PRKG1: variants seen among roughly 807,000 people sequenced by gnomAD.
PRKG1 encodes the protein cGMP-dependent protein kinase 1.
PRKG1 carries 35 observed loss-of-function variants against 88.1 expected under a neutral mutation model. That is an observed-to-expected ratio of 0.40 (90% confidence interval 0.30 to 0.53). The LOEUF is 0.53. Among genes scored for constraint, PRKG1 ranks in the 20% least tolerant of loss-of-function variants. The pLI is 0.59. For synonymous variants in PRKG1, 303 were observed against 292.5 expected (o/e 1.04, Z -0.37); for missense variants, 540 against 839.8 (o/e 0.64, Z 4.41).
At chr10:51,569,847 G>C (rs116452217) in intron 3 of PRKG1, among the ~76,000 whole-genome samples, 2 of 151,810 alleles carry the variant, frequency 1.3e-5, no homozygotes, top group Non-Finnish European at 2.9e-5. Context: ...ATATAAATGC[G>C]GACAGTTCTG....
At chr10:51,425,566 C>G (rs909914090) in intron 2 of PRKG1, among the ~76,000 whole-genome samples, 2 of 152,144 alleles carry the variant, frequency 1.3e-5, no homozygotes, top group Non-Finnish European at 2.9e-5. Flanking sequence ...CTGCCTCCAC[C>G]CCTTTCGGAA....
rs570795810 is a variant in PRKG1 at position 52,210,175 on chromosome 10, C to T, written c.1077-41395C>T. 5.9e-5 allele frequency among the ~76,000 whole-genome samples: 9 copies of T among 152,174 alleles called. No homozygotes were observed. In the East Asian group the frequency reaches 1.5e-3, roughly 26 times the overall value. On this transcript the variant is annotated intron_variant, in intron 9 of 17. Coordinates refer to ENST00000373980, the MANE Select transcript of PRKG1 (RefSeq NM_006258.4). ...CTACTATCATCATTAGTATTGTCATCATCATTGTCACTCTCCTAATTAAAA... is the reference window on the plus strand; with the variant it reads ...CTACTATCATCATTAGTATTGTCATTATCATTGTCACTCTCCTAATTAAAA...
At chr10:51,162,410 C>G (rs930116816) in intron 2 of PRKG1, among the ~76,000 whole-genome samples, 2 of 152,182 alleles carry the variant, frequency 1.3e-5, no homozygotes, top group African/African-American at 2.4e-5. Flanking sequence ...TTAGGCCCTT[C>G]TATAAACTCC....
chr10:51,608,303 C>A (rs540895406), intron 3 of PRKG1, among the ~76,000 whole-genome samples: 135 of 152,244 alleles, frequency 8.9e-4, no homozygotes, highest in African/African-American at 3.1e-3. Context: ...GGAAGGAAAC[C>A]ACAAATCCTT....
chr10:51,595,335 A>T (rs991726505), intron 3 of PRKG1, among the ~76,000 whole-genome samples: 3 of 152,038 alleles, frequency 2.0e-5, no homozygotes, highest in Admixed American at 6.6e-5. Context: ...AAATAAACAG[A>T]TAAAAATAGG....
In PRKG1 at chr10:51,804,504, A is replaced by G. The variant is rs372743076; in HGVS notation, c.593-81A>G. The G allele has an allele frequency of 2.4e-4, 218 of 918,262 alleles. No homozygotes were observed. In the East Asian group the frequency reaches 3.8e-3, roughly 16 times the overall value. The allele number at this position is 918,262 out of a possible 1,614,324, so 56.9% of individuals were successfully genotyped here. On this transcript the variant is annotated intron_variant, in intron 3 of 17. Transcript: ENST00000373980. ...TTTTCATGATTCTCATGAATAGCTC[A>G]TCTCCTTTGCAGGATGTTGTTCACA...
At chr10:51,835,587 C>CT (rs1027072715) in intron 4 of PRKG1, among the ~76,000 whole-genome samples, 3 of 152,184 alleles carry the variant, frequency 2.0e-5, no homozygotes, top group Non-Finnish European at 4.4e-5. Context: ...TAAATTATAA[C>CT]TTTTTTTCAT....
chr10:51,441,619 A>T (rs1327259571), intron 2 of PRKG1, among the ~76,000 whole-genome samples: 1 of 151,978 alleles, frequency 6.6e-6, no homozygotes, highest in Non-Finnish European at 1.5e-5. Context: ...ACAGAAGTTG[A>T]GAACGGAGAC....
At chr10:51,697,487 T>G (rs1440148818) in intron 3 of PRKG1, 1 of 574,294 alleles carries the variant, frequency 1.7e-6, no homozygotes, top group African/African-American at 1.9e-5. Flanking sequence ...TAAAGTAACT[T>G]AAAGTGAACA....
chr10:51,515,413 G>C (rs918070868), intron 3 of PRKG1, among the ~76,000 whole-genome samples: 1 of 152,064 alleles, frequency 6.6e-6, no homozygotes, highest in Non-Finnish European at 1.5e-5. Context: ...TGGATAGTGT[G>C]GTATATCCAA....
intron 2 of PRKG1, among the ~76,000 whole-genome samples, chr10:51,456,004 AG>A (rs1186428159): frequency 6.6e-6 from 1 of 152,206 alleles, no homozygotes; most frequent in African/African-American, 2.4e-5. Context: ...CTGCTAATAA[AG>A]ACATACCTGA....
chr10:51,281,090 C>A (rs557978376), intron 2 of PRKG1, among the ~76,000 whole-genome samples: 2 of 152,240 alleles, frequency 1.3e-5, no homozygotes, highest in East Asian at 3.9e-4. Flanking sequence ...CAGTCAGGAC[C>A]CTCAGCTGCA....
intron 4 of PRKG1, among the ~76,000 whole-genome samples, chr10:51,827,260 T>C (rs954543272): frequency 1.3e-5 from 2 of 152,138 alleles, no homozygotes; most frequent in Admixed American, 6.6e-5. Context: ...TAAATAAAAA[T>C]TATGAAAAAG....
chr10:52,059,524 A>G (rs1043588541), intron 6 of PRKG1, among the ~76,000 whole-genome samples: 1 of 151,958 alleles, frequency 6.6e-6, no homozygotes, highest in African/African-American at 2.4e-5. Context: ...GAGTAAGAAA[A>G]AAAGGTCTGA....
chr10:52,165,808 T>C (rs1838418586), intron 9 of PRKG1, among the ~76,000 whole-genome samples: 1 of 152,140 alleles, frequency 6.6e-6, no homozygotes, highest in South Asian at 2.1e-4. Context: ...ATAATCAAGC[T>C]CAATCGCAGA....
At chr10:51,631,865 G>A (rs1190157106) in intron 3 of PRKG1, among the ~76,000 whole-genome samples, 1 of 152,152 alleles carries the variant, frequency 6.6e-6, no homozygotes, top group African/African-American at 2.4e-5. Context: ...TGTGTGTGAG[G>A]AACATGTTTG....
intron 9 of PRKG1, among the ~76,000 whole-genome samples, chr10:52,177,044 CA>C (rs1838885384): frequency 6.6e-6 from 1 of 151,962 alleles, no homozygotes; most frequent in African/African-American, 2.4e-5. Context: ...CTAGGACTTC[CA>C]GTACTACGTT....
intron 1 of PRKG1, among the ~76,000 whole-genome samples, chr10:51,045,809 C>T (rs1269163228): frequency 2.0e-5 from 3 of 152,186 alleles, no homozygotes; most frequent in Non-Finnish European, 2.9e-5. Context: ...TTCATTAAAT[C>T]ACTTAACCAT....
At chr10:52,026,694 C>T (rs558588897) in intron 5 of PRKG1, among the ~76,000 whole-genome samples, 99 of 152,062 alleles carry the variant, frequency 6.5e-4, no homozygotes, top group Non-Finnish European at 1.2e-3. Context: ...GGGTGAATTT[C>T]GGCCAGGCAC....
Sources: gnomAD v4.1 joint callset for allele counts (sites outside exome capture counted in the v4.1 genomes callset) on GRCh38, gnomAD v4.1.1 for gene constraint, MANE v1.5 for transcripts, NCBI Gene and HGNC (gene_info 2026-07-23, HGNC 2026-07-21) for gene names.